The following SUGCT variants were observed in gnomAD, a reference collection of about 807,000 sequenced individuals.
SUGCT encodes succinyl-CoA:glutarate-CoA transferase.
A neutral mutation model predicts 55.0 loss-of-function variants in SUGCT; 41 were observed. That is an observed-to-expected ratio of 0.74 (90% CI 0.58 to 0.97). The LOEUF (loss-of-function observed/expected upper bound fraction) is 0.97, where lower values mean the gene tolerates loss of function less well. SUGCT is among the 50% of genes least tolerant of loss of function. The pLI, the probability that SUGCT is intolerant of heterozygous loss-of-function variation, is 0.00. For synonymous variants in SUGCT, 187 were observed against 200.4 expected (o/e 0.93, Z 0.56); for missense variants, 568 against 547.8 (o/e 1.04, Z -0.37).
At chr7:40,398,298 G>T (rs1046586841) in intron 9 of SUGCT, among the ~76,000 whole-genome samples, 1 of 152,066 alleles carries the variant, frequency 6.6e-6, no homozygotes, top group Non-Finnish European at 1.5e-5. Context: ...TGCCATGTTG[G>T]CCGGGCTGGT....
the SUGCT span, among the ~76,000 whole-genome samples, chr7:40,955,063 A>G: frequency 6.6e-6 from 1 of 152,196 alleles, no homozygotes; most frequent in Non-Finnish European, 1.5e-5. Flanking sequence ...GTTTGAAGTC[A>G]GGTAGCATGA....
chr7:40,666,593 A>T (rs1801656777), intron 12 of SUGCT, among the ~76,000 whole-genome samples: 1 of 151,936 alleles, frequency 6.6e-6, no homozygotes, highest in Non-Finnish European at 1.5e-5. Context: ...TACTGTGTGG[A>T]ATGGAAAAAA....
intron 9 of SUGCT, among the ~76,000 whole-genome samples, chr7:40,439,956 C>T (rs920759939): frequency 6.6e-5 from 10 of 152,102 alleles, no homozygotes; most frequent in Non-Finnish European, 8.8e-5. Context: ...AGGCATTCTT[C>T]AGTCCTCATC....
chr7:40,682,433 A>T (rs1045978468), intron 12 of SUGCT, among the ~76,000 whole-genome samples: 1 of 152,280 alleles, frequency 6.6e-6, no homozygotes, highest in East Asian at 1.9e-4. Context: ...ACAGGTCACA[A>T]CCTGGGGCTT....
At chr7:40,534,964 T>A (rs1008309133) in intron 12 of SUGCT, among the ~76,000 whole-genome samples, 1 of 152,154 alleles carries the variant, frequency 6.6e-6, no homozygotes, top group African/African-American at 2.4e-5. Context: ...TAAGATTTTT[T>A]AATGTTTTTA....
chr7:40,586,723 C>T (rs1797401663), intron 12 of SUGCT, among the ~76,000 whole-genome samples: 1 of 152,162 alleles, frequency 6.6e-6, no homozygotes, highest in African/African-American at 2.4e-5. Context: ...AATACTCTAA[C>T]TCGAAGAATA....
intron 12 of SUGCT, among the ~76,000 whole-genome samples, chr7:40,616,799 T>C (rs1799027069): frequency 6.6e-6 from 1 of 152,118 alleles, no homozygotes; most frequent in Admixed American, 6.5e-5. Context: ...CCAAGGGGAA[T>C]GGAGGCCTCA....
At chr7:40,680,598 G>C (rs530777777) in intron 12 of SUGCT, among the ~76,000 whole-genome samples, 1 of 152,184 alleles carries the variant, frequency 6.6e-6, no homozygotes, top group African/African-American at 2.4e-5. Context: ...CCCACCCAAG[G>C]ATATAACTAC....
chr7:40,839,051 A>T (rs971713294), intron 13 of SUGCT, among the ~76,000 whole-genome samples: 1 of 151,588 alleles, frequency 6.6e-6, no homozygotes, highest in African/African-American at 2.4e-5. Context: ...TCATATGGTG[A>T]ATTGCATTGA....
chr7:40,396,370 T>C (rs1298177068), intron 9 of SUGCT, among the ~76,000 whole-genome samples: 1 of 152,168 alleles, frequency 6.6e-6, no homozygotes, highest in Non-Finnish European at 1.5e-5. Flanking sequence ...AAAGTACTCA[T>C]TGATGTTCAG....
intron 10 of SUGCT, 58 bp downstream of exon 10, chr7:40,449,416 G>T: frequency 7.1e-7 from 1 of 1,405,096 alleles, no homozygotes; most frequent in Non-Finnish European, 1.0e-6. Flanking sequence ...GGAAAGTTCA[G>T]TTTTGCCCAG....
At chr7:40,459,856 G>T (rs949206766) in intron 11 of SUGCT, among the ~76,000 whole-genome samples, 1 of 151,938 alleles carries the variant, frequency 6.6e-6, no homozygotes, top group Non-Finnish European at 1.5e-5. Context: ...TTTCAAGTTT[G>T]TCTGAAGAAA....
intron 9 of SUGCT, among the ~76,000 whole-genome samples, chr7:40,366,665 T>A (rs942929364): frequency 2.6e-4 from 40 of 151,936 alleles, no homozygotes; most frequent in Non-Finnish European, 4.6e-4. Context: ...CATGAAAAAA[T>A]GCTCATCATC....
intron 9 of SUGCT, among the ~76,000 whole-genome samples, chr7:40,321,662 C>T (rs1214610272): frequency 5.9e-5 from 9 of 152,140 alleles, no homozygotes; most frequent in South Asian, 2.1e-4. Context: ...AGATTCCAGG[C>T]GAGAGCCACC....
At chr7:41,026,134 G>A in the SUGCT span, among the ~76,000 whole-genome samples, 4 of 152,174 alleles carry the variant, frequency 2.6e-5, no homozygotes, top group East Asian at 5.8e-4. Flanking sequence ...CTCCTGGCCA[G>A]GGCCAGCTTC....
intron 11 of SUGCT, among the ~76,000 whole-genome samples, chr7:40,477,135 A>G (rs1790739354): frequency 6.6e-6 from 1 of 152,348 alleles, no homozygotes; most frequent in African/African-American, 2.4e-5. Flanking sequence ...CTATATGTAT[A>G]GGAAAGATAA....
chr7:40,255,660 C>CAAAAAAAAAAAAAAAAAAAAAAA (rs70996898), intron 7 of SUGCT, among the ~76,000 whole-genome samples: 1 of 54,192 alleles, frequency 1.8e-5, no homozygotes, highest in Non-Finnish European at 3.0e-5. Context: ...GACTCTGTAT[C>CAAAAAAAAAAAAAAAAAAAAAAA]AAAAAAAAAA....
the SUGCT span, among the ~76,000 whole-genome samples, chr7:40,887,943 G>A: frequency 2.6e-5 from 4 of 152,284 alleles, no homozygotes; most frequent in East Asian, 3.9e-4. Context: ...AGGGTCAGGT[G>A]CCACTAAAGG....
chr7:40,524,741 C>T (rs577823093), intron 12 of SUGCT, among the ~76,000 whole-genome samples: 42 of 152,198 alleles, frequency 2.8e-4, no homozygotes, highest in Admixed American at 1.1e-3. Flanking sequence ...TATTGGCTTC[C>T]GTAGTTTTTT....
Sources: allele counts gnomAD v4.1 joint callset (sites outside exome capture counted in the v4.1 genomes callset), GRCh38; gene constraint gnomAD v4.1.1; transcripts MANE v1.5; gene names NCBI Gene and HGNC (gene_info 2026-07-23, HGNC 2026-07-21).